Variants in EPB41L4A observed in about 807,000 individuals in gnomAD.
EPB41L4A encodes the protein erythrocyte membrane protein band 4.1 like 4A.
EPB41L4A carries 100 observed loss-of-function variants against 108.6 expected under a neutral mutation model. The observed-to-expected ratio is 0.92, with a 90% CI of 0.78 to 1.09. The LOEUF (loss-of-function observed/expected upper bound fraction) is 1.09, where lower values mean the gene tolerates loss of function less well. EPB41L4A is among the 50% of genes least tolerant of loss of function. The probability of loss-of-function intolerance (pLI) is 0.00; values close to 1 mark genes in which losing one functional copy is unlikely to be tolerated. For synonymous variants in EPB41L4A, 319 were observed against 289.0 expected, an observed-to-expected ratio of 1.10 and a Z score of -1.05; for missense variants, 1,030 against 842.7, an observed-to-expected ratio of 1.22 and a Z score of -2.75.
chr5:112,339,899 G>A (rs1363188964), intron 1 of EPB41L4A, among the ~76,000 whole-genome samples: 3 of 152,106 alleles, frequency 2.0e-5, no homozygotes, highest in Non-Finnish European at 4.4e-5. Context: ...TCATGGAAGA[G>A]ACCTTTTAAT....
intron 9 of EPB41L4A, among the ~76,000 whole-genome samples, chr5:112,247,132 CAT>C (rs58270290): frequency 0.027 from 4,176 of 152,266 alleles, 280 homozygotes; most frequent in East Asian, 0.26. Context: ...GTCATTGACA[CAT>C]GATTGTATAA....
At chr5:112,180,194 G>A (rs1036702273) in intron 18 of EPB41L4A, among the ~76,000 whole-genome samples, 3 of 152,104 alleles carry the variant, frequency 2.0e-5, no homozygotes, top group African/African-American at 7.2e-5. Context: ...GTCTTTGGGG[G>A]AAGGCAGTAA....
intron 18 of EPB41L4A, among the ~76,000 whole-genome samples, chr5:112,181,271 G>T (rs7712166): frequency 0.28 from 42,370 of 151,162 alleles, 5,914 homozygotes; most frequent in Admixed American, 0.32. Context: ...CTAACACGGT[G>T]AAACCCCGTC....
chr5:112,354,727 T>C (rs1758264540), intron 1 of EPB41L4A, among the ~76,000 whole-genome samples: 1 of 152,204 alleles, frequency 6.6e-6, no homozygotes, highest in Non-Finnish European at 1.5e-5. Flanking sequence ...TCCACAGTAA[T>C]AGTCATTTCT....
chr5:112,384,901 A>G (rs1466417445), intron 1 of EPB41L4A, among the ~76,000 whole-genome samples: 1 of 152,212 alleles, frequency 6.6e-6, no homozygotes, highest in African/African-American at 2.4e-5. Flanking sequence ...CTGCTGGGAA[A>G]GATAATGCAA....
At chr5:112,401,512 G>A (rs1761747534) in intron 1 of EPB41L4A, among the ~76,000 whole-genome samples, 1 of 152,184 alleles carries the variant, frequency 6.6e-6, no homozygotes, top group Non-Finnish European at 1.5e-5. Flanking sequence ...CCAGAATCAT[G>A]TGACAGCAAA....
At chr5:112,353,010 G>C (rs575397653) in intron 1 of EPB41L4A, among the ~76,000 whole-genome samples, 4 of 152,194 alleles carry the variant, frequency 2.6e-5, no homozygotes, top group Admixed American at 2.6e-4. Context: ...TATAGTGTTG[G>C]TTAGGTAAGG....
chr5:112,328,052 G>A (rs1275180284), intron 1 of EPB41L4A, among the ~76,000 whole-genome samples: 4 of 151,992 alleles, frequency 2.6e-5, no homozygotes, highest in South Asian at 2.1e-4. Context: ...GCTCACGCTC[G>A]TAATCCCAGC....
At chr5:112,228,029 T>C (rs1001066272) in intron 12 of EPB41L4A, among the ~76,000 whole-genome samples, 12 of 152,172 alleles carry the variant, frequency 7.9e-5, no homozygotes, top group Admixed American at 2.6e-4. Context: ...GAATCAAACA[T>C]AGTCGTGATT....
intron 18 of EPB41L4A, among the ~76,000 whole-genome samples, chr5:112,181,790 G>T (rs1396255877): frequency 6.6e-6 from 1 of 152,124 alleles, no homozygotes; most frequent in Admixed American, 6.5e-5. Context: ...TCAGAACAGT[G>T]GACCAGGCGC....
At chr5:112,309,387 C>G (rs1401847430) in intron 1 of EPB41L4A, among the ~76,000 whole-genome samples, 1 of 152,142 alleles carries the variant, frequency 6.6e-6, no homozygotes, top group Admixed American at 6.6e-5. Flanking sequence ...GAACCAGCTA[C>G]CCAATTGAAT....
chr5:112,197,088 A>G (rs1761998868), intron 15 of EPB41L4A: 1 of 149,474 alleles, frequency 6.7e-6, no homozygotes, highest in Admixed American at 6.7e-5. Flanking sequence ...TGTCTTTTCA[A>G]TGACTTTCAT....
At chr5:112,385,031 C>T (rs1250843494) in intron 1 of EPB41L4A, among the ~76,000 whole-genome samples, 1 of 152,154 alleles carries the variant, frequency 6.6e-6, no homozygotes, top group Non-Finnish European at 1.5e-5. Context: ...GCCCGGGTGA[C>T]CCTTGGATAT....
chr5:112,366,713 T>A (rs1160241692), intron 1 of EPB41L4A, among the ~76,000 whole-genome samples: 1 of 151,920 alleles, frequency 6.6e-6, no homozygotes, highest in African/African-American at 2.4e-5. Flanking sequence ...GGTCAATATC[T>A]CAAGGCACAG....
intron 1 of EPB41L4A, among the ~76,000 whole-genome samples, chr5:112,322,938 A>G (rs1458216891): frequency 6.8e-6 from 1 of 146,058 alleles, no homozygotes; most frequent in East Asian, 2.3e-4. Context: ...AGAAGAAGGT[A>G]AAGGGGGAAA....
intron 18 of EPB41L4A, chr5:112,173,569 TA>T (rs1760710041): frequency 7.0e-6 from 1 of 143,748 alleles, no homozygotes; most frequent in Non-Finnish European, 1.5e-5. Flanking sequence ...TTTTTTTTTT[TA>T]AATATACTAT....
intron 4 of EPB41L4A, among the ~76,000 whole-genome samples, chr5:112,270,429 G>C (rs370518071): frequency 3.3e-5 from 5 of 152,252 alleles, no homozygotes; most frequent in African/African-American, 1.2e-4. Context: ...ACTTAAATAT[G>C]AGAGTCAAAG....
chr5:112,397,137 G>T (rs1353960206), intron 1 of EPB41L4A, among the ~76,000 whole-genome samples: 1 of 151,976 alleles, frequency 6.6e-6, no homozygotes, highest in Non-Finnish European at 1.5e-5. Context: ...CCATCTTTAT[G>T]ACTATATGTA....
At chr5:112,326,125 G>A (rs1756139370) in intron 1 of EPB41L4A, among the ~76,000 whole-genome samples, 1 of 152,116 alleles carries the variant, frequency 6.6e-6, no homozygotes, top group Non-Finnish European at 1.5e-5. Context: ...ACTCCAGCCT[G>A]GGAGACACAG....
Sources: gnomAD v4.1 joint callset for allele counts (sites outside exome capture counted in the v4.1 genomes callset) on GRCh38, gnomAD v4.1.1 for gene constraint, MANE v1.5 for transcripts, NCBI Gene and HGNC (gene_info 2026-07-23, HGNC 2026-07-21) for gene names.